The following CTNNA1 variants were observed in gnomAD, a reference collection of about 807,000 sequenced individuals.
CTNNA1 encodes the protein catenin alpha-1.
A neutral mutation model predicts 98.4 loss-of-function variants in CTNNA1; 37 were observed. That is an observed-to-expected ratio of 0.38 (90% CI 0.29 to 0.49). CTNNA1 has a LOEUF of 0.49. CTNNA1 is among the 20% of genes least tolerant of loss of function. CTNNA1 has a pLI of 0.95. For missense variants in CTNNA1, 761 were observed against 1,147.2 expected (o/e 0.66, Z 4.86); for synonymous variants, 404 against 413.2 (o/e 0.98, Z 0.27).
intron 3 of CTNNA1, among the ~76,000 whole-genome samples, chr5:138,783,626 T>A (rs1219869425): frequency 6.6e-6 from 1 of 152,226 alleles, no homozygotes; most frequent in African/African-American, 2.4e-5. Context: ...TGAGAGATGC[T>A]TGCAGAGGGA....
chr5:138,864,314 A>T (rs984960202), intron 7 of CTNNA1, among the ~76,000 whole-genome samples: 1 of 152,144 alleles, frequency 6.6e-6, no homozygotes, highest in Non-Finnish European at 1.5e-5. Context: ...CACAGTAGTG[A>T]TGTTGCTTAT....
At chr5:138,777,540 C>G (rs1207613561) in intron 1 of CTNNA1, among the ~76,000 whole-genome samples, 4 of 138,712 alleles carry the variant, frequency 2.9e-5, no homozygotes, top group African/African-American at 1.1e-4. Context: ...GAGCCGAGAT[C>G]ACGCCACTGC....
chr5:138,865,749 C>T (rs192818213), intron 7 of CTNNA1, among the ~76,000 whole-genome samples: 7 of 152,244 alleles, frequency 4.6e-5, no homozygotes, highest in African/African-American at 1.4e-4. Context: ...CATCCTGAAA[C>T]GTATTCTGGA....
chr5:138,824,499 C>G (rs199736239), intron 5 of CTNNA1, 31 bp from the exon 6 acceptor site: 1 of 1,604,904 alleles, frequency 6.2e-7, no homozygotes, highest in Non-Finnish European at 8.5e-7. Context: ...ATAAAGAGTG[C>G]TCCAATTTCT....
At chr5:138,781,038 G>C (rs186262899) in intron 1 of CTNNA1, among the ~76,000 whole-genome samples, 1 of 152,318 alleles carries the variant, frequency 6.6e-6, no homozygotes, top group Non-Finnish European at 1.5e-5. Context: ...ATTTGACTAA[G>C]TGTGATTTGA....
At chr5:138,866,100 A>G (rs1010167328) in intron 7 of CTNNA1, among the ~76,000 whole-genome samples, 1 of 152,158 alleles carries the variant, frequency 6.6e-6, no homozygotes, top group African/African-American at 2.4e-5. Flanking sequence ...ACTTGAGCCC[A>G]GGAATTCAAG....
chr5:138,764,662 G>A (rs1201624770), intron 1 of CTNNA1, among the ~76,000 whole-genome samples: 3 of 151,284 alleles, frequency 2.0e-5, no homozygotes. Context: ...TTAGAGACGG[G>A]GTTTCTCCAT....
chr5:138,904,321 C>A (rs1012651224), intron 9 of CTNNA1, 28 bp from the exon 10 acceptor site: 1 of 1,600,638 alleles, frequency 6.2e-7, no homozygotes, highest in East Asian at 2.3e-5. Flanking sequence ...AGAGAAAAAT[C>A]TTTAAAGATT....
At chr5:138,769,786 G>A (rs573982042) in intron 1 of CTNNA1, among the ~76,000 whole-genome samples, 1 of 151,988 alleles carries the variant, frequency 6.6e-6, no homozygotes, top group Admixed American at 6.6e-5. Context: ...GCCCGCCTCG[G>A]CCTCCCAAAG....
intron 8 of CTNNA1, among the ~76,000 whole-genome samples, chr5:138,886,759 G>C (rs541034530): frequency 1.3e-5 from 2 of 152,242 alleles, no homozygotes; most frequent in Non-Finnish European, 2.9e-5. Context: ...AATTTTCTGA[G>C]TTAGTAAATA....
intron 3 of CTNNA1, among the ~76,000 whole-genome samples, chr5:138,803,377 A>G (rs1757769877): frequency 6.6e-6 from 1 of 152,112 alleles, no homozygotes; most frequent in Admixed American, 6.5e-5. Context: ...GCTGGTCTTG[A>G]ACTCCTTGTC....
intron 9 of CTNNA1, among the ~76,000 whole-genome samples, chr5:138,900,749 G>C (rs527670808): frequency 3.3e-5 from 5 of 152,108 alleles, no homozygotes; most frequent in African/African-American, 4.8e-5. Context: ...TCTGACACAG[G>C]GGGGCTGTGA....
chr5:138,905,931 G>A (rs2150150876), intron 10 of CTNNA1, among the ~76,000 whole-genome samples: 1 of 152,282 alleles, frequency 6.6e-6, no homozygotes, highest in South Asian at 2.1e-4. Context: ...GTAAGCAGAG[G>A]GACTGGAGAA....
chr5:138,782,348 G>A (rs1338088054), intron 2 of CTNNA1: 3 of 480,406 alleles, frequency 6.2e-6, no homozygotes, highest in Non-Finnish European at 1.2e-5. Flanking sequence ...ATCCTTGATT[G>A]TTAAGGTCTC....
At chr5:138,856,752 T>C (rs1214794748) in intron 7 of CTNNA1, among the ~76,000 whole-genome samples, 2 of 152,208 alleles carry the variant, frequency 1.3e-5, no homozygotes, top group Non-Finnish European at 2.9e-5. Context: ...CTAGGGTAAA[T>C]TGGACTCAAG....
At chr5:138,848,764 G>A (rs369715894) in intron 7 of CTNNA1, among the ~76,000 whole-genome samples, 2 of 151,954 alleles carry the variant, frequency 1.3e-5, no homozygotes, top group Admixed American at 6.6e-5. Context: ...TCTCTCTGTC[G>A]CCCAGGCTGG....
intron 3 of CTNNA1, among the ~76,000 whole-genome samples, chr5:138,789,735 C>T (rs567438670): frequency 4.1e-4 from 63 of 152,188 alleles, no homozygotes; most frequent in African/African-American, 1.3e-3. Context: ...GGATTACAGG[C>T]GTGAGCCACC....
chr5:138,820,311 A>C (rs1759902929), intron 5 of CTNNA1, among the ~76,000 whole-genome samples: 1 of 151,840 alleles, frequency 6.6e-6, no homozygotes, highest in Non-Finnish European at 1.5e-5. Flanking sequence ...TAGGAGCAAG[A>C]CACACTCCAG....
At chr5:138,847,257 G>A (rs528044986) in intron 7 of CTNNA1, among the ~76,000 whole-genome samples, 32 of 151,506 alleles carry the variant, frequency 2.1e-4, no homozygotes, top group Middle Eastern at 3.4e-3. Flanking sequence ...ACCTTTTGGA[G>A]GGAAGAGGAG....
Sources: gnomAD v4.1 joint callset for allele counts (sites outside exome capture counted in the v4.1 genomes callset) on GRCh38, gnomAD v4.1.1 for gene constraint, MANE v1.5 for transcripts, NCBI Gene and HGNC (gene_info 2026-07-23, HGNC 2026-07-21) for gene names.